Variants in LRRTM4 observed in about 807,000 individuals in gnomAD.
LRRTM4 encodes the protein leucine-rich repeat transmembrane neuronal protein 4.
Under a neutral mutation model 47.6 loss-of-function variants are expected in LRRTM4, and 25 were observed. The ratio of observed to expected loss-of-function variants is 0.53; its 90% CI spans 0.38 to 0.73. The LOEUF is 0.73. LRRTM4 is among the 30% of genes least tolerant of loss of function. The probability of loss-of-function intolerance (pLI) is 0.00; values close to 1 mark genes in which losing one functional copy is unlikely to be tolerated. For synonymous variants in LRRTM4, 311 were observed against 269.5 expected (o/e 1.15, Z -1.51); for missense variants, 638 against 713.4 (o/e 0.89, Z 1.20).
At chr2:77,351,167 T>C (rs909273534) in intron 3 of LRRTM4, among the ~76,000 whole-genome samples, 8 of 152,054 alleles carry the variant, frequency 5.3e-5, no homozygotes, top group Admixed American at 1.3e-4. Context: ...TGAAAACATA[T>C]AGTATTTGGT....
rs553260274 is a variant in LRRTM4, at chr2:76,806,413, C to G, written c.1552-57497G>C. ...CCTAACCAACGTGGTGAAACCCCGTCTCTACTAAAAATACAAAATTAGCAG... is the reference window on the plus strand; with the variant it reads ...CCTAACCAACGTGGTGAAACCCCGTGTCTACTAAAAATACAAAATTAGCAG... On this transcript the variant is annotated intron_variant, in intron 3 of 3. Coordinates refer to ENST00000409884, the MANE Select transcript of LRRTM4 (RefSeq NM_001134745.3). 2.0e-4 allele frequency among the ~76,000 whole-genome samples: 30 copies of G among 152,238 alleles called. 1 individual carries two copies. The highest frequency in any genetic ancestry group is 6.7e-4 in the African/African-American group (28 of 41,548).
At position 76,766,900 on chromosome 2, in the gene LRRTM4, C is replaced by A. The variant is rs559422555; in HGVS notation, c.1552-17984G>T. On this transcript the variant is annotated intron_variant, in intron 3 of 3. Coordinates refer to ENST00000409884, the MANE Select transcript of LRRTM4 (RefSeq NM_001134745.3). ...AAAAGAACTATCTGATCTAAAATGTCAAAAGTGCAGCTGCTGAGAAACCCT... is the reference window on the plus strand; with the variant it reads ...AAAAGAACTATCTGATCTAAAATGTAAAAAGTGCAGCTGCTGAGAAACCCT... Among the ~76,000 whole-genome samples, 18 of 152,260 alleles carry A rather than the reference C, an allele frequency of 1.2e-4. No homozygotes were observed. The South Asian group carries it at 3.3e-3, about 28-fold the overall frequency.
intron 3 of LRRTM4, among the ~76,000 whole-genome samples, chr2:77,097,595 T>A (rs1299045135): frequency 6.6e-6 from 1 of 151,940 alleles, no homozygotes; most frequent in Non-Finnish European, 1.5e-5. Context: ...TCTAAAGCAC[T>A]CATGAATTAA....
At chr2:77,457,833 C>T (rs1676620598) in intron 3 of LRRTM4, among the ~76,000 whole-genome samples, 1 of 152,048 alleles carries the variant, frequency 6.6e-6, no homozygotes, top group African/African-American at 2.4e-5. Flanking sequence ...CACCTGGCAC[C>T]TTCTTATCAT....
chr2:77,039,981 T>C (rs1678969837), intron 3 of LRRTM4, among the ~76,000 whole-genome samples: 1 of 151,144 alleles, frequency 6.6e-6, no homozygotes, highest in Non-Finnish European at 1.5e-5. Flanking sequence ...TAAACTGTCT[T>C]TATAATCAAA....
At chr2:77,021,326 G>A (rs1678262402) in intron 3 of LRRTM4, among the ~76,000 whole-genome samples, 1 of 152,054 alleles carries the variant, frequency 6.6e-6, no homozygotes, top group South Asian at 2.1e-4. Flanking sequence ...ACAGACAGAG[G>A]AGGGACATGC....
chr2:77,465,594 G>T (rs1389725534), intron 3 of LRRTM4, among the ~76,000 whole-genome samples: 1 of 152,066 alleles, frequency 6.6e-6, no homozygotes, highest in Non-Finnish European at 1.5e-5. Flanking sequence ...AATGGTGTGG[G>T]GAAGGGTGGG....
intron 3 of LRRTM4, among the ~76,000 whole-genome samples, chr2:77,108,744 C>T (rs972978425): frequency 2.3e-4 from 35 of 151,600 alleles, no homozygotes; most frequent in African/African-American, 8.0e-4. Context: ...CCACCACGCC[C>T]GGCTAATTTT....
chr2:77,432,503 T>C (rs1675422944), intron 3 of LRRTM4, among the ~76,000 whole-genome samples: 1 of 152,188 alleles, frequency 6.6e-6, no homozygotes, highest in South Asian at 2.1e-4. Flanking sequence ...GAAAAACAGG[T>C]TTATCTCATT....
intron 2 of LRRTM4, among the ~76,000 whole-genome samples, chr2:77,520,452 A>G (rs1327261045): frequency 6.6e-6 from 1 of 152,056 alleles, no homozygotes; most frequent in Non-Finnish European, 1.5e-5. Flanking sequence ...TAGGCAGCCA[A>G]TGAAGCATTG....
chr2:77,442,415 T>C (rs758778045), intron 3 of LRRTM4, among the ~76,000 whole-genome samples: 6 of 152,134 alleles, frequency 3.9e-5, no homozygotes, highest in African/African-American at 1.2e-4. Flanking sequence ...TGTATTTAGA[T>C]AAAAAGAAGA....
At chr2:77,497,347 G>A (rs114398088) in intron 3 of LRRTM4, among the ~76,000 whole-genome samples, 4 of 145,806 alleles carry the variant, frequency 2.7e-5, no homozygotes, top group Non-Finnish European at 6.2e-5. Flanking sequence ...CTTTGTGTTT[G>A]ATTTGCTCTG....
intron 3 of LRRTM4, among the ~76,000 whole-genome samples, chr2:77,019,501 A>G (rs2104098177): frequency 6.6e-6 from 1 of 152,196 alleles, no homozygotes; most frequent in East Asian, 1.9e-4. Context: ...GTGAAATAAT[A>G]CTATAAATCT....
intron 3 of LRRTM4, among the ~76,000 whole-genome samples, chr2:76,808,254 G>T (rs1036118552): frequency 4.0e-5 from 6 of 151,856 alleles, no homozygotes; most frequent in African/African-American, 2.4e-5. Flanking sequence ...TCCTGACTTC[G>T]TGATCCGCCT....
intron 3 of LRRTM4, among the ~76,000 whole-genome samples, chr2:76,953,016 T>A (rs79953176): frequency 0.038 from 5,715 of 151,832 alleles, 244 homozygotes; most frequent in East Asian, 0.14. Flanking sequence ...CAATAGACAT[T>A]AGAGACTACT....
intron 3 of LRRTM4, among the ~76,000 whole-genome samples, chr2:76,934,646 C>T (rs1472881564): frequency 6.6e-6 from 1 of 152,166 alleles, no homozygotes; most frequent in Non-Finnish European, 1.5e-5. Flanking sequence ...TGTCCCTGAA[C>T]ATGGAGCTGG....
intron 3 of LRRTM4, among the ~76,000 whole-genome samples, chr2:77,509,826 G>T (rs1678915625): frequency 1.3e-5 from 2 of 151,986 alleles, no homozygotes; most frequent in South Asian, 4.2e-4. Context: ...ATATTTACTT[G>T]TCCAATATTA....
At chr2:77,241,611 T>C (rs1417303529) in intron 3 of LRRTM4, among the ~76,000 whole-genome samples, 2 of 149,554 alleles carry the variant, frequency 1.3e-5, no homozygotes, top group East Asian at 1.9e-4. Flanking sequence ...AGGTATGGAA[T>C]GTATGGAATA....
At chr2:77,241,983 T>C (rs1675281249) in intron 3 of LRRTM4, among the ~76,000 whole-genome samples, 1 of 152,156 alleles carries the variant, frequency 6.6e-6, no homozygotes, top group Non-Finnish European at 1.5e-5. Flanking sequence ...TCTATTCTCT[T>C]CTGTCAGTCC....
Sources: gnomAD v4.1 joint callset for allele counts (sites outside exome capture counted in the v4.1 genomes callset) on GRCh38, gnomAD v4.1.1 for gene constraint, MANE v1.5 for transcripts, NCBI Gene and HGNC (gene_info 2026-07-23, HGNC 2026-07-21) for gene names.